PTPN3: variants seen among roughly 807,000 people sequenced by gnomAD.
PTPN3 encodes tyrosine-protein phosphatase non-receptor type 3.
Under a neutral mutation model 132.7 loss-of-function variants are expected in PTPN3, and 96 were observed. That is an observed-to-expected ratio of 0.72 (90% CI 0.61 to 0.86). The LOEUF is 0.86. Among genes scored for constraint, PTPN3 ranks in the 40% least tolerant of loss-of-function variants. PTPN3 has a pLI of 0.00. For synonymous variants in PTPN3, 398 were observed against 429.0 expected (o/e 0.93, Z 0.89); for missense variants, 1,125 against 1,159.6 (o/e 0.97, Z 0.43).
chr9:109,495,549 G>T (rs1392143691), intron 1 of PTPN3, among the ~76,000 whole-genome samples: 1 of 152,168 alleles, frequency 6.6e-6, no homozygotes, highest in Non-Finnish European at 1.5e-5. Context: ...TGCCAGCTCA[G>T]TTTCCTTATC....
chr9:109,513,325 T>C, the PTPN3 span, among the ~76,000 whole-genome samples: 1 of 152,198 alleles, frequency 6.6e-6, no homozygotes, highest in African/African-American at 2.4e-5. Context: ...CGGCGTGGAA[T>C]GTTCTTTCTT....
At position 109,375,960 on chromosome 9, in the gene PTPN3, C is replaced by A; in HGVS notation, c.*3596G>T. ...GTCACAGAATCTTTGCCACCTTTAC[C>A]GAGACTGCTCTCAGCTGAGGACAAC... On this transcript the variant is annotated 3_prime_UTR_variant, in exon 26 of 26. Transcript: ENST00000374541. 1 of 152,244 alleles carries A rather than the reference C, an allele frequency of 6.6e-6. No homozygotes were observed. 9.4% of individuals were successfully genotyped at this position (152,244 alleles called of 1,614,324 possible).
intron 22 of PTPN3, among the ~76,000 whole-genome samples, chr9:109,388,417 A>C (rs1025971364): frequency 3.3e-5 from 5 of 152,202 alleles, no homozygotes; most frequent in Non-Finnish European, 7.3e-5. Context: ...TAATGCAGGA[A>C]ACTGACAAAG....
At chr9:109,481,726 G>A (rs1309621114) in intron 1 of PTPN3, among the ~76,000 whole-genome samples, 3 of 152,186 alleles carry the variant, frequency 2.0e-5, no homozygotes, top group Non-Finnish European at 4.4e-5. Context: ...TGCACATGAG[G>A]CACTAAGTAT....
chr9:109,389,512 A>G (rs1839887843), intron 21 of PTPN3, 133 bp from the exon 22 acceptor site: 1 of 907,380 alleles, frequency 1.1e-6, no homozygotes, highest in African/African-American at 1.7e-5. Flanking sequence ...CACAGCCAAT[A>G]AGGAAAATCA....
intron 25 of PTPN3, among the ~76,000 whole-genome samples, chr9:109,381,332 T>C (rs1038903329): frequency 6.6e-6 from 1 of 152,056 alleles, no homozygotes; most frequent in Admixed American, 6.5e-5. Flanking sequence ...ATATGCAACA[T>C]CCACTGAGCC....
intron 5 of PTPN3, chr9:109,449,620 G>A (rs909945997): frequency 1.0e-5 from 10 of 985,430 alleles, no homozygotes; most frequent in African/African-American, 1.7e-5. Context: ...GCCCTGGGGA[G>A]ACTTCTATTT....
At chr9:109,455,387 C>A (rs529521440) in intron 4 of PTPN3, among the ~76,000 whole-genome samples, 69 of 152,186 alleles carry the variant, frequency 4.5e-4, no homozygotes, top group Non-Finnish European at 8.2e-4. Context: ...ATTCGCCAGC[C>A]CTATCTAGGC....
At chr9:109,477,444 A>C (rs1846733046) in intron 1 of PTPN3, among the ~76,000 whole-genome samples, 1 of 152,240 alleles carries the variant, frequency 6.6e-6, no homozygotes, top group East Asian at 1.9e-4. Flanking sequence ...GTTTCAGCAA[A>C]GTTATTTTAA....
At chr9:109,442,186 TACAGGGGTGTACCACC>T (rs918787747) in intron 7 of PTPN3, among the ~76,000 whole-genome samples, 4 of 152,106 alleles carry the variant, frequency 2.6e-5, no homozygotes, top group African/African-American at 9.7e-5. Context: ...TAACTTGAAC[TACAGGGGTGTACCACC>T]ACACCTGGCT....
rs770287949 is a variant in PTPN3 at position 109,406,448 on chromosome 9, C to A, written c.1792+14G>T. 2.5e-6 allele frequency: 4 copies of A among 1,611,254 alleles called. No homozygotes were observed. In the East Asian group the frequency reaches 8.9e-5, roughly 36 times the overall value. On this transcript the variant is annotated intron_variant, in intron 18 of 25. Transcript: ENST00000374541. ...ACAGCTTCCCTATGGCTCCTCCCCC[C>A]AGGTGGCCATTACCTCTCCTCCTGA...
At chr9:109,383,217 A>G (rs1438784090) in intron 23 of PTPN3, 2 of 741,828 alleles carry the variant, frequency 2.7e-6, no homozygotes, top group African/African-American at 3.5e-5. Flanking sequence ...ATCGATGGAC[A>G]CTGGGCTGTT....
At chr9:109,439,870 C>T (rs1784690026) in intron 7 of PTPN3, among the ~76,000 whole-genome samples, 1 of 151,398 alleles carries the variant, frequency 6.6e-6, no homozygotes, top group African/African-American at 2.4e-5. Flanking sequence ...GACTGAGCCA[C>T]TGTACTCCAG....
At chr9:109,451,816 T>A (rs778440847) in intron 5 of PTPN3, among the ~76,000 whole-genome samples, 1 of 152,222 alleles carries the variant, frequency 6.6e-6, no homozygotes, top group African/African-American at 2.4e-5. Context: ...AGGGCTCTAA[T>A]GTGCCCAGTG....
rs1160692503 is a variant in PTPN3, at chr9:109,466,529, G to A, written c.-17-3078C>T. On this transcript the variant is annotated intron_variant, in intron 1 of 25. Transcript: ENST00000374541. ...AGGAATGCAGAGGGGAGGGGAGACAGATGTCCCATAGACCAGTGCTTCTCA... is the reference window on the plus strand; with the variant it reads ...AGGAATGCAGAGGGGAGGGGAGACAAATGTCCCATAGACCAGTGCTTCTCA... Among the ~76,000 whole-genome samples, 4 of 152,220 alleles carry A rather than the reference G, an allele frequency of 2.6e-5. 1 individual carries two copies. The highest frequency in any genetic ancestry group is 7.2e-5 in the African/African-American group (3 of 41,466).
chr9:109,411,188 G>A (rs935725493), intron 14 of PTPN3, among the ~76,000 whole-genome samples: 3 of 152,198 alleles, frequency 2.0e-5, no homozygotes, highest in Non-Finnish European at 4.4e-5. Context: ...CGCTGTCTTA[G>A]AGAGTTACAG....
At chr9:109,483,718 C>T (rs560706108) in intron 1 of PTPN3, among the ~76,000 whole-genome samples, 1 of 152,346 alleles carries the variant, frequency 6.6e-6, no homozygotes, top group East Asian at 1.9e-4. Context: ...CACCCACAAT[C>T]TGATTCCAAC....
At chr9:109,425,121 CA>C (rs887880698) in intron 12 of PTPN3, among the ~76,000 whole-genome samples, 3 of 152,128 alleles carry the variant, frequency 2.0e-5, no homozygotes, top group Non-Finnish European at 4.4e-5. Context: ...TGAATGTATA[CA>C]AATACTAAAC....
rs1434540553 is a variant in PTPN3 at position 109,379,560 on chromosome 9, C to T, written c.2738G>A (p.Ser913Asn). 6.2e-7 allele frequency: 1 copy of T among 1,612,944 alleles called. No homozygotes were observed. The highest frequency in any genetic ancestry group is 1.7e-5 in the Admixed American group (1 of 60,022). ...ATGAACTTTTTCACAGTTGTCTTAA[C>T]TAGGATCCAGCATTTGGACTAAACC... The part of the protein sequence containing the change: ...EEGLVQMLDP[S>N] Residue 913 changes from serine (S) to asparagine (N), a missense_variant, in exon 26 of 26, where the codon AGT becomes AAT. Physicochemically the swap from Ser to Asn is conservative, Grantham distance 46 (BLOSUM62 1). Transcript: ENST00000374541.
Sources: gnomAD v4.1 joint callset for allele counts (sites outside exome capture counted in the v4.1 genomes callset) on GRCh38, gnomAD v4.1.1 for gene constraint, MANE v1.5 for transcripts, NCBI Gene and HGNC (gene_info 2026-07-23, HGNC 2026-07-21) for gene names.